The following CCNY variants were observed in gnomAD, a reference collection of about 807,000 sequenced individuals.
The protein encoded by CCNY is cyclin-Y.
In CCNY, 19 loss-of-function variants were observed where a neutral mutation model predicts 42.8. The ratio of observed to expected loss-of-function variants is 0.44; its 90% CI spans 0.31 to 0.65. The LOEUF is 0.65. Among genes scored for constraint, CCNY ranks in the 30% least tolerant of loss-of-function variants. CCNY has a pLI of 0.07. For missense variants in CCNY, 370 were observed against 437.3 expected (o/e 0.85, Z 1.37); for synonymous variants, 165 against 162.7 (o/e 1.01, Z -0.11).
At position 35,336,601 on chromosome 10, in the gene CCNY, C is replaced by T. The variant is rs1297109498; in HGVS notation, c.-453C>T. Among the ~76,000 whole-genome samples the T allele has an allele frequency of 6.8e-6, 1 of 147,416 alleles. No homozygotes were observed. Among genetic ancestry groups the T allele is most frequent in the Non-Finnish European group, 1.5e-5 (1 of 66,358 alleles). ...CCGCTCGTCGGCTAGTCCCGCCGTC[C>T]GGCGCGGACACGCGTGCCCCCGGCT... On this transcript the variant is annotated 5_prime_UTR_variant, in exon 1 of 10. Transcript: ENST00000374704.
At chr10:35,420,513 C>T (rs555277977) in intron 1 of CCNY, among the ~76,000 whole-genome samples, 26 of 152,302 alleles carry the variant, frequency 1.7e-4, no homozygotes, top group East Asian at 7.7e-4. Flanking sequence ...TGCATATCTT[C>T]AGTTTGAGAT....
intron 8 of CCNY, among the ~76,000 whole-genome samples, chr10:35,555,540 G>T (rs927864526): frequency 3.3e-5 from 5 of 152,148 alleles, no homozygotes; most frequent in Non-Finnish European, 5.9e-5. Context: ...ATTTTTCTGC[G>T]TTAATTCACA....
intron 3 of CCNY, among the ~76,000 whole-genome samples, chr10:35,502,923 G>A (rs916623903): frequency 1.3e-5 from 2 of 152,154 alleles, no homozygotes; most frequent in Non-Finnish European, 2.9e-5. Context: ...AGAAGAGCTG[G>A]AACTGCATCC....
At chr10:35,543,776 A>C (rs1008449014) in intron 7 of CCNY, among the ~76,000 whole-genome samples, 2 of 152,046 alleles carry the variant, frequency 1.3e-5, no homozygotes, top group African/African-American at 4.8e-5. Flanking sequence ...AGCAGGCAGG[A>C]GACCACTGCT....
intron 3 of CCNY, among the ~76,000 whole-genome samples, chr10:35,299,341 C>A (rs1001889197): frequency 6.6e-6 from 1 of 152,222 alleles, no homozygotes; most frequent in African/African-American, 2.4e-5. Context: ...TCTGCTATTT[C>A]TATCAATACA....
chr10:35,412,899 G>GGAATTT lies in CCNY; in HGVS notation c.155-70504_155-70503insAATTTG, dbSNP rs1221624853. 2.0e-3 allele frequency among the ~76,000 whole-genome samples: 290 copies of GGAATTT among 146,728 alleles called. 1 individual carries two copies. The highest frequency in any genetic ancestry group is 7.1e-3 in the African/African-American group (277 of 38,844). ...AAAAAAAAAAAAAAAGAATTTGCGC[G>GGAATTT]GCGGGCAAGAGGATGTGGATCACGC... On this transcript the variant is annotated intron_variant, in intron 1 of 9. Coordinates refer to ENST00000374704, the MANE Select transcript of CCNY (RefSeq NM_145012.6).
chr10:35,453,673 T>C (rs1000401876), intron 1 of CCNY, among the ~76,000 whole-genome samples: 14 of 152,226 alleles, frequency 9.2e-5, no homozygotes, highest in Non-Finnish European at 1.9e-4. Flanking sequence ...TTAAATTACT[T>C]CTTTCAAGTG....
At chr10:35,317,686 C>T (rs934913726) in intron 3 of CCNY, among the ~76,000 whole-genome samples, 1 of 152,194 alleles carries the variant, frequency 6.6e-6, no homozygotes, top group African/African-American at 2.4e-5. Flanking sequence ...CCAGCTGTCA[C>T]TGCTGTGGAG....
chr10:35,531,522 A>G (rs959623027), intron 7 of CCNY, among the ~76,000 whole-genome samples: 2 of 152,244 alleles, frequency 1.3e-5, no homozygotes, highest in African/African-American at 4.8e-5. Flanking sequence ...TGAGTAATGT[A>G]TGTACTGCCC....
At chr10:35,465,938 A>AGAGAGAGAGAGTGT in intron 1 of CCNY, among the ~76,000 whole-genome samples, 48 of 81,022 alleles carry the variant, frequency 5.9e-4, no homozygotes, top group African/African-American at 8.7e-4. Context: ...AGAGAGAGAG[A>AGAGAGAGAGAGTGT]GTGTGTGTGT....
intron 1 of CCNY, among the ~76,000 whole-genome samples, chr10:35,460,555 T>C (rs1839136522): frequency 6.6e-6 from 1 of 152,230 alleles, no homozygotes; most frequent in Non-Finnish European, 1.5e-5. Context: ...CACATAACAT[T>C]CATTCAGTAA....
intron 1 of CCNY, among the ~76,000 whole-genome samples, chr10:35,384,540 T>G (rs1837261689): frequency 6.6e-6 from 1 of 152,242 alleles, no homozygotes; most frequent in Non-Finnish European, 1.5e-5. Context: ...AGCTTAATAT[T>G]TCTCCTTTTG....
chr10:35,461,039 C>A (rs1470803228), intron 1 of CCNY, among the ~76,000 whole-genome samples: 1 of 152,146 alleles, frequency 6.6e-6, no homozygotes, highest in Non-Finnish European at 1.5e-5. Context: ...ACCCAGCTGG[C>A]CTGAAATAGG....
At position 35,534,255 on chromosome 10, in the gene CCNY, C is replaced by G. The variant is rs146363531; in HGVS notation, c.579+4012C>G. On this transcript the variant is annotated intron_variant, in intron 7 of 9. Transcript: ENST00000374704. ...TGGCCAGGCTGGTCACTCCTGACCT[C>G]AAGTGATCTGCCCACCTCAGCCTCC... 6.8e-3 allele frequency among the ~76,000 whole-genome samples: 1,033 copies of G among 152,306 alleles called. 11 individuals carry two copies. The highest frequency in any genetic ancestry group is 0.024 in the African/African-American group (987 of 41,552).
chr10:35,393,484 C>T (rs762091165), intron 1 of CCNY, among the ~76,000 whole-genome samples: 4 of 152,208 alleles, frequency 2.6e-5, no homozygotes, highest in Admixed American at 1.3e-4. Context: ...TTCCCTTCCA[C>T]CCTGTTGTAG....
At chr10:35,419,108 C>T (rs891760371) in intron 1 of CCNY, among the ~76,000 whole-genome samples, 5 of 152,058 alleles carry the variant, frequency 3.3e-5, no homozygotes, top group East Asian at 3.9e-4. Flanking sequence ...CCACCGCACC[C>T]GGGTGGGATA....
At chr10:35,410,954 ATTGG>A (rs903784448) in intron 1 of CCNY, among the ~76,000 whole-genome samples, 11 of 152,154 alleles carry the variant, frequency 7.2e-5, no homozygotes, top group Admixed American at 6.5e-4. Flanking sequence ...ATATTGAGAA[ATTGG>A]TTGGGAATAT....
intron 3 of CCNY, among the ~76,000 whole-genome samples, chr10:35,271,233 C>T (rs78523156): frequency 6.6e-6 from 1 of 152,146 alleles, no homozygotes; most frequent in African/African-American, 2.4e-5. Context: ...AAAACCACAA[C>T]TTAATAGAGC....
intron 1 of CCNY, among the ~76,000 whole-genome samples, chr10:35,466,638 G>A (rs946250103): frequency 2.0e-5 from 3 of 152,180 alleles, no homozygotes; most frequent in Non-Finnish European, 4.4e-5. Context: ...TGGACTTTCC[G>A]TAACCCTCTT....
Sources: allele counts gnomAD v4.1 joint callset (sites outside exome capture counted in the v4.1 genomes callset), GRCh38; gene constraint gnomAD v4.1.1; transcripts MANE v1.5; gene names NCBI Gene and HGNC (gene_info 2026-07-23, HGNC 2026-07-21).